Variants in GRM1 observed in about 807,000 individuals in gnomAD.
The protein encoded by GRM1 is glutamate metabotropic receptor 1, also known as metabotropic glutamate receptor 1.
A neutral mutation model predicts 90.9 loss-of-function variants in GRM1; 33 were observed. That is an observed-to-expected ratio of 0.36 (90% CI 0.28 to 0.49). The LOEUF is 0.49. Among genes scored for constraint, GRM1 ranks in the 20% least tolerant of loss-of-function variants. The probability of loss-of-function intolerance (pLI) is 0.99; values close to 1 mark genes in which losing one functional copy is unlikely to be tolerated. For missense variants in GRM1, 1,190 were observed against 1,534.3 expected (o/e 0.78, Z 3.75); for synonymous variants, 700 against 613.2 (o/e 1.14, Z -2.09).
At chr6:146,352,557 C>T (rs1467705179) in intron 4 of GRM1, 61 bp downstream of exon 4, 2 of 1,540,740 alleles carry the variant, frequency 1.3e-6, no homozygotes, top group Non-Finnish European at 1.8e-6. Context: ...AGACAGATGG[C>T]AACTGTGGCT....
At chr6:146,195,781 A>G (rs1779094788) in intron 2 of GRM1, among the ~76,000 whole-genome samples, 1 of 152,226 alleles carries the variant, frequency 6.6e-6, no homozygotes, top group African/African-American at 2.4e-5. Context: ...GGGAATAAAC[A>G]TGGAGAGACA....
intron 2 of GRM1, among the ~76,000 whole-genome samples, chr6:146,299,308 A>G (rs970704692): frequency 2.6e-5 from 4 of 152,050 alleles, no homozygotes; most frequent in Non-Finnish European, 5.9e-5. Context: ...CCACATATGG[A>G]TTTACATGCC....
At chr6:146,383,376 T>G (rs2115132980) in intron 5 of GRM1, among the ~76,000 whole-genome samples, 1 of 152,292 alleles carries the variant, frequency 6.6e-6, no homozygotes, top group Non-Finnish European at 1.5e-5. Context: ...GGGAGAAAGA[T>G]ACAGCTGGTT....
chr6:146,431,827 AT>A (rs1193386447), intron 7 of GRM1, among the ~76,000 whole-genome samples: 2 of 152,196 alleles, frequency 1.3e-5, no homozygotes, highest in East Asian at 3.8e-4. Flanking sequence ...TAAGTTTTAT[AT>A]TTGCCTTTCT....
intron 2 of GRM1, among the ~76,000 whole-genome samples, chr6:146,282,437 A>G (rs769992176): frequency 6.6e-6 from 1 of 152,144 alleles, no homozygotes; most frequent in Non-Finnish European, 1.5e-5. Flanking sequence ...ATAATCTGGA[A>G]TGCCCCTGGC....
At chr6:146,221,811 A>C (rs1343872660) in intron 2 of GRM1, among the ~76,000 whole-genome samples, 1 of 152,206 alleles carries the variant, frequency 6.6e-6, no homozygotes, top group Non-Finnish European at 1.5e-5. Context: ...CTATGTACAC[A>C]GCCATAAACC....
chr6:146,371,788 A>C (rs1306171847), intron 5 of GRM1, among the ~76,000 whole-genome samples: 1 of 152,122 alleles, frequency 6.6e-6, no homozygotes, highest in East Asian at 1.9e-4. Flanking sequence ...GTTGCAAATG[A>C]CTGGATCTCA....
intron 1 of GRM1, among the ~76,000 whole-genome samples, chr6:146,149,729 G>C (rs1777250855): frequency 6.6e-6 from 1 of 152,104 alleles, no homozygotes; most frequent in African/African-American, 2.4e-5. Flanking sequence ...TGAAGCAAGA[G>C]GACAAAGATT....
intron 7 of GRM1, among the ~76,000 whole-genome samples, chr6:146,416,919 T>A (rs1297459093): frequency 6.6e-6 from 1 of 152,166 alleles, no homozygotes; most frequent in Non-Finnish European, 1.5e-5. Flanking sequence ...GCCTAAAATG[T>A]GATAAATATG....
chr6:146,194,017 A>G (rs982161723), intron 2 of GRM1, among the ~76,000 whole-genome samples: 2 of 151,974 alleles, frequency 1.3e-5, no homozygotes, highest in African/African-American at 4.8e-5. Context: ...GAAGTTCAAT[A>G]TCTTCATAAC....
chr6:146,127,863 T>C (rs558508701), intron 1 of GRM1, among the ~76,000 whole-genome samples: 2 of 152,320 alleles, frequency 1.3e-5, no homozygotes, highest in East Asian at 1.9e-4. Context: ...GTCATGATTG[T>C]GTAATGTGAG....
At chr6:146,208,099 C>T (rs1233418765) in intron 2 of GRM1, among the ~76,000 whole-genome samples, 1 of 152,070 alleles carries the variant, frequency 6.6e-6, no homozygotes, top group Non-Finnish European at 1.5e-5. Context: ...TGTCATCAGA[C>T]TTCATTTGTA....
chr6:146,285,416 C>T (rs750980747), intron 2 of GRM1, among the ~76,000 whole-genome samples: 3 of 152,144 alleles, frequency 2.0e-5, no homozygotes, highest in East Asian at 1.9e-4. Context: ...TGACAAACAC[C>T]GTAACCTGTA....
chr6:146,182,936 A>G (rs1490337453), intron 2 of GRM1, among the ~76,000 whole-genome samples: 3 of 152,118 alleles, frequency 2.0e-5, no homozygotes, highest in African/African-American at 4.8e-5. Context: ...CAGGTATTCT[A>G]TGAATTTGTT....
At chr6:146,208,890 A>G in intron 2 of GRM1, among the ~76,000 whole-genome samples, 1 of 152,140 alleles carries the variant, frequency 6.6e-6, no homozygotes, top group Non-Finnish European at 1.5e-5. Flanking sequence ...TAAAAACCCA[A>G]GATGACCTGA....
intron 6 of GRM1, among the ~76,000 whole-genome samples, chr6:146,389,008 T>A (rs1776611894): frequency 6.6e-6 from 1 of 152,016 alleles, no homozygotes; most frequent in Admixed American, 6.6e-5. Flanking sequence ...TTGGAAAAGC[T>A]TTTCCAACCT....
In GRM1 at chr6:146,399,697, C is replaced by CA; in HGVS notation, c.2660dup (p.Asn887LysfsTer3). On this transcript the variant is annotated frameshift_variant and splice_region_variant, in exon 7 of 8. Transcript: ENST00000282753. LOFTEE classifies it high-confidence loss of function. This position sits in a 1 kb window ranked among gnomAD's most constrained non-coding sequence, Gnocchi z 5.4. The stretch of plus-strand genomic sequence containing the variant: ...GAAAGAAGGCAGGGGCAGGGAATGC[C>CA]AAGTGAGTTATCTGACCTGTTTGTC... 1 of 1,600,258 alleles carries CA rather than the reference C, an allele frequency of 6.2e-7. No individual in the cohort carries two copies. Among genetic ancestry groups the CA allele is most frequent in the Non-Finnish European group, 8.5e-7 (1 of 1,171,664 alleles).
chr6:146,237,641 C>T (rs1780700372), intron 2 of GRM1, among the ~76,000 whole-genome samples: 1 of 152,100 alleles, frequency 6.6e-6, no homozygotes, highest in Non-Finnish European at 1.5e-5. Context: ...CTGTCCCTTA[C>T]CCCACTTCCA....
At chr6:146,323,944 G>A (rs1360249832) in intron 3 of GRM1, among the ~76,000 whole-genome samples, 1 of 152,098 alleles carries the variant, frequency 6.6e-6, no homozygotes. Context: ...CTGTTCCATT[G>A]GTCTATATCT....
Sources: gnomAD v4.1 joint callset for allele counts (sites outside exome capture counted in the v4.1 genomes callset) on GRCh38, gnomAD v4.1.1 for gene constraint, Gnocchi (gnomAD v3.1) non-coding constraint, MANE v1.5 for transcripts, NCBI Gene and HGNC (gene_info 2026-07-23, HGNC 2026-07-21) for gene names.